Variants in IQCE observed in about 807,000 individuals in gnomAD.
IQCE encodes the protein IQ domain-containing protein E.
IQCE carries 115 observed loss-of-function variants against 96.0 expected under a neutral mutation model. That is an observed-to-expected ratio of 1.20 (90% CI 1.03 to 1.40). The LOEUF is 1.40. Ranked by LOEUF, IQCE falls within the 40% of genes most tolerant of loss-of-function variation. The pLI, the probability that IQCE is intolerant of heterozygous loss-of-function variation, is 0.00. For missense variants in IQCE, 1,041 were observed against 909.1 expected (o/e 1.15, Z -1.87); for synonymous variants, 412 against 371.2 (o/e 1.11, Z -1.26).
At chr7:2,607,292 T>A in intron 21 of IQCE, 65 bp downstream of exon 21, 1 of 1,605,404 alleles carries the variant, frequency 6.2e-7, no homozygotes, top group Non-Finnish European at 8.5e-7. Context: ...AGCCAAAGAG[T>A]GGCCACCTCC....
chr7:2,603,476 TC>T (rs1784575662), intron 18 of IQCE, among the ~76,000 whole-genome samples: 1 of 86,586 alleles, frequency 1.2e-5, no homozygotes, highest in Non-Finnish European at 2.9e-5. Flanking sequence ...ATCCTGCTTC[TC>T]TCCCTGGCGC....
rs3823603 is a variant in IQCE, at chr7:2,610,589, G to C, written c.*427G>C. The stretch of plus-strand genomic sequence containing the variant: ...CACCCTCAACAACCAGGATTTGCTC[G>C]ATCTCAGCCCAGCAGGCCAGGCAGA... On this transcript the variant is annotated 3_prime_UTR_variant, in exon 22 of 22. Transcript: ENST00000402050. The C allele has an allele frequency of 0.28, 51,846 of 182,158 alleles. 8,095 individuals carry two copies. Among genetic ancestry groups the C allele is most frequent in the East Asian group, 0.44 (2,619 of 5,918 alleles). 11.3% of individuals were successfully genotyped at this position (182,158 alleles called of 1,614,324 possible). A position where few individuals can be genotyped will look rare whatever the true frequency, so the allele number is the denominator to read the frequency against.
At position 2,605,101 on chromosome 7, in the gene IQCE, C is replaced by T. The variant is rs1211163617; in HGVS notation, c.1743+110C>T. On this transcript the variant is annotated intron_variant, in intron 19 of 21. Transcript: ENST00000402050. ...CCCTCAGCCTCCACATCCCCGCCCG[C>T]CCAGCAGGCGTCCCCTGCGCTCCAT... is the stretch of plus-strand genomic sequence containing the variant. The T allele has an allele frequency of 8.0e-6, 6 of 748,520 alleles. No individual in the cohort carries two copies. In the Admixed American group the frequency reaches 1.2e-4, roughly 14 times the overall value. 46.4% of individuals were successfully genotyped at this position (748,520 alleles called of 1,614,324 possible).
At position 2,594,966 on chromosome 7, in the gene IQCE, T is replaced by C. The variant is rs755635809; in HGVS notation, c.1430T>C (p.Val477Ala). The C allele has an allele frequency of 6.2e-7, 1 of 1,611,048 alleles. No homozygotes were observed. Reference protein sequence around the residue: ...KKEEKEDCPEVPHKAQELPAP... With the variant: ...KKEEKEDCPEAPHKAQELPAP... Reference sequence around the variant, plus strand: ...GAAGAGAAAGAGGATTGCCCGGAAGTTCCTCATAAGGTACAGTGACCATTC... The same window carrying C: ...GAAGAGAAAGAGGATTGCCCGGAAGCTCCTCATAAGGTACAGTGACCATTC... The change falls in exon 16 of 22, where the codon GTT becomes GCT. Residue 477 changes from valine (V) to alanine (A), a missense_variant. By Grantham distance (64) the Val-to-Ala change is moderately conservative. Coordinates refer to ENST00000402050, the MANE Select transcript of IQCE (RefSeq NM_152558.5).
At chr7:2,602,917 C>T (rs1426860314) in intron 18 of IQCE, among the ~76,000 whole-genome samples, 3 of 152,224 alleles carry the variant, frequency 2.0e-5, no homozygotes, top group African/African-American at 7.2e-5. Context: ...ACACGAGCGC[C>T]CTCCACGAGC....
intron 14 of IQCE, among the ~76,000 whole-genome samples, chr7:2,592,324 G>A (rs1344723513): frequency 2.6e-5 from 4 of 152,200 alleles, no homozygotes; most frequent in Non-Finnish European, 5.9e-5. Context: ...ATAGACATTA[G>A]GTAAAAAACA....
At chr7:2,578,602 C>T (rs1347236406) in intron 8 of IQCE, 76 bp downstream of exon 8, 1 of 1,484,780 alleles carries the variant, frequency 6.7e-7, no homozygotes, top group East Asian at 2.3e-5. Flanking sequence ...GGACGCCTTT[C>T]CCTGCAGCAC....
At chr7:2,567,369 C>T (rs928438135) in intron 2 of IQCE, among the ~76,000 whole-genome samples, 5 of 152,236 alleles carry the variant, frequency 3.3e-5, no homozygotes, top group Non-Finnish European at 5.9e-5. Flanking sequence ...TTTATCTGGA[C>T]GTGAATCCTG....
intron 6 of IQCE, among the ~76,000 whole-genome samples, chr7:2,576,063 A>G (rs912471064): frequency 3.3e-5 from 5 of 152,170 alleles, no homozygotes; most frequent in African/African-American, 7.2e-5. Flanking sequence ...CCGGCTTGCT[A>G]TCATGCCTCC....
chr7:2,593,965 A>C (rs1208611493), intron 15 of IQCE, among the ~76,000 whole-genome samples: 1 of 152,208 alleles, frequency 6.6e-6, no homozygotes, highest in Non-Finnish European at 1.5e-5. Context: ...AGACTACCGG[A>C]ATGAAGAAAA....
chr7:2,583,717 G>A lies in IQCE; in HGVS notation c.774+8G>A, dbSNP rs13242369. On this transcript the variant is annotated splice_region_variant and intron_variant, in intron 10 of 21. Coordinates refer to ENST00000402050, the MANE Select transcript of IQCE (RefSeq NM_152558.5). The stretch of plus-strand genomic sequence containing the variant: ...GAGACATACTACGAGGAGGTGCGCC[G>A]TGCTGGGCGGCGGAGCGGAGGGCGG... 0.4 allele frequency: 544,533 copies of A among 1,356,174 alleles called. 116,563 individuals are homozygous for A. The highest frequency in any genetic ancestry group is 0.43 in the Non-Finnish European group (432,898 of 1,012,814). 84.0% of individuals were successfully genotyped at this position (1,356,174 alleles called of 1,614,324 possible).
rs115664629 is a variant in IQCE, at chr7:2,581,445, A to G, written c.631-1135A>G. ...GGTCTCAAACTCCTAACCTCAGGCA[A>G]TCTGGCTGCCTTGGCTTCCCAAAGT... On this transcript the variant is annotated intron_variant, in intron 8 of 21. Coordinates refer to ENST00000402050, the MANE Select transcript of IQCE (RefSeq NM_152558.5). 3.2e-3 allele frequency among the ~76,000 whole-genome samples: 485 copies of G among 152,198 alleles called. 6 individuals carry two copies. Among genetic ancestry groups the G allele is most frequent in the African/African-American group, 0.011 (444 of 41,542 alleles).
At chr7:2,573,545 T>C in intron 6 of IQCE, 57 bp downstream of exon 6, 2 of 968,266 alleles carry the variant, frequency 2.1e-6, no homozygotes, top group Admixed American at 1.9e-5. Flanking sequence ...CCTATAACAA[T>C]GTATTAGAAC....
intron 16 of IQCE, among the ~76,000 whole-genome samples, chr7:2,597,391 G>A (rs1256548819): frequency 6.6e-6 from 1 of 152,272 alleles, no homozygotes; most frequent in Non-Finnish European, 1.5e-5. Context: ...CAGAGGGGCA[G>A]CAAGGCCCCA....
intron 5 of IQCE, 75 bp from the exon 6 acceptor site, chr7:2,573,343 T>G: frequency 2.7e-6 from 2 of 753,038 alleles, no homozygotes; most frequent in Non-Finnish European, 2.3e-6. Context: ...ACTTCCAGGT[T>G]TTCCTTAAAG....
intron 18 of IQCE, among the ~76,000 whole-genome samples, chr7:2,603,700 C>T (rs1181121635): frequency 2.0e-5 from 3 of 152,228 alleles, no homozygotes; most frequent in Admixed American, 6.5e-5. Context: ...GGTCACCACA[C>T]TCTGGCGGGT....
intron 14 of IQCE, among the ~76,000 whole-genome samples, chr7:2,592,789 G>T (rs900063924): frequency 1.3e-5 from 2 of 152,228 alleles, no homozygotes; most frequent in Non-Finnish European, 2.9e-5. Flanking sequence ...GCCTTCTCTG[G>T]CTTAGTCCGG....
Position 2,588,105 on chromosome 7 carries a change from C to T in IQCE, c.1044+228C>T, listed in dbSNP as rs187853726. ...CTGTGCGTGGCCGCAGGCAGACGCG[C>T]TTCGCACTGGAGCCCCTCACAGTCC... On this transcript the variant is annotated intron_variant, in intron 13 of 21. Transcript: ENST00000402050. Among the ~76,000 whole-genome samples the T allele has an allele frequency of 3.2e-3, 490 of 152,348 alleles. 3 individuals carry two copies. Among genetic ancestry groups the T allele is most frequent in the African/African-American group, 0.011 (471 of 41,580 alleles).
chr7:2,580,218 T>A (rs1782558790), intron 8 of IQCE: 1 of 151,546 alleles, frequency 6.6e-6, no homozygotes, highest in Non-Finnish European at 1.5e-5. Flanking sequence ...ATTGGAGGAT[T>A]GACCAGAATC....
Sources: allele counts gnomAD v4.1 joint callset (sites outside exome capture counted in the v4.1 genomes callset), GRCh38; gene constraint gnomAD v4.1.1; transcripts MANE v1.5; gene names NCBI Gene and HGNC (gene_info 2026-07-23, HGNC 2026-07-21).